ANAPC4: variants seen among roughly 807,000 people sequenced by gnomAD.
ANAPC4 encodes anaphase-promoting complex subunit 4.
Under a neutral mutation model 119.8 loss-of-function variants are expected in ANAPC4, and 63 were observed. The observed-to-expected ratio is 0.53, with a 90% CI of 0.43 to 0.65. The LOEUF (loss-of-function observed/expected upper bound fraction) is 0.65. Among genes scored for constraint, ANAPC4 ranks in the 30% least tolerant of loss-of-function variants. The pLI is 0.00. For missense variants in ANAPC4, 716 were observed against 945.1 expected (o/e 0.76, Z 3.18); for synonymous variants, 283 against 318.6 (o/e 0.89, Z 1.19).
intron 16 of ANAPC4, among the ~76,000 whole-genome samples, chr4:25,401,489 T>G (rs895490542): frequency 2.0e-5 from 3 of 152,212 alleles, no homozygotes; most frequent in Non-Finnish European, 4.4e-5. Context: ...CTGTGTTATA[T>G]TTTCAGTTTG....
intron 22 of ANAPC4, 123 bp from the exon 23 acceptor site, chr4:25,414,201 C>T: frequency 1.6e-6 from 1 of 620,026 alleles, no homozygotes; most frequent in Non-Finnish European, 2.7e-6. Flanking sequence ...TTCTTATGTA[C>T]AAGGTTTGGT....
chr4:25,418,029 G>A (rs1723977903), intron 28 of ANAPC4, 126 bp from the exon 29 acceptor site: 1 of 983,022 alleles, frequency 1.0e-6, no homozygotes, highest in African/African-American at 1.6e-5. Flanking sequence ...TATTGATTTT[G>A]TTGTAAATTG....
intron 22 of ANAPC4, 72 bp from the exon 23 acceptor site, chr4:25,414,252 C>CA (rs1378527811): frequency 8.3e-6 from 9 of 1,077,874 alleles, no homozygotes; most frequent in Non-Finnish European, 1.2e-5. Flanking sequence ...CAGTGATGGT[C>CA]AGTCACTTTC....
At chr4:25,413,497 G>T in intron 21 of ANAPC4, 148 bp from the exon 22 acceptor site, 47 of 537,724 alleles carry the variant, frequency 8.7e-5, no homozygotes, top group East Asian at 9.7e-5. Flanking sequence ...TTTTTAATGA[G>T]GTTGTGTGAA....
Position 25,390,219 on chromosome 4 carries a change from G to A in ANAPC4, c.599G>A (p.Gly200Glu), listed in dbSNP as rs1359796485. The A allele has an allele frequency of 2.5e-6, 4 of 1,603,980 alleles. No individual in the cohort carries two copies. The highest frequency in any genetic ancestry group is 3.4e-6 in the Non-Finnish European group (4 of 1,173,050). Residue 200 changes from glycine to glutamate, a missense_variant and splice_region_variant, in exon 8 of 29, where the codon GGG becomes GAG. Physicochemically the swap from Gly to Glu is moderately conservative, Grantham distance 98. Coordinates refer to ENST00000315368, the MANE Select transcript of ANAPC4 (RefSeq NM_013367.3). ...ATGTTTAAAATTGCTCGAGTCACAG[G>A]GGTAAGATTTCTTTAACATTTTCTC... is the stretch of plus-strand genomic sequence containing the variant. ...YGMFKIARVT[G>E]IAGTCLALCL...
rs766663969 is a variant in ANAPC4 at position 25,394,663 on chromosome 4, C to T, written c.942-8C>T. The stretch of plus-strand genomic sequence containing the variant: ...AAGTGACTAAAAATACTTTGTTTTT[C>T]ATTGTAGTGCTGAACTTCAGACTCT... On this transcript the variant is annotated splice_region_variant and splice_polypyrimidine_tract_variant and intron_variant, in intron 12 of 28. Coordinates refer to ENST00000315368, the MANE Select transcript of ANAPC4 (RefSeq NM_013367.3). 2 of 1,586,972 alleles carry T rather than the reference C, an allele frequency of 1.3e-6. No homozygotes were observed. Among genetic ancestry groups the T allele is most frequent in the Admixed American group, 3.8e-5 (2 of 52,052 alleles).
chr4:25,402,913 A>G (rs1723056373), intron 16 of ANAPC4, 58 bp from the exon 17 acceptor site: 2 of 941,942 alleles, frequency 2.1e-6, no homozygotes, highest in Admixed American at 4.8e-5. Context: ...GTTGAGTAGG[A>G]TGTATGAATC....
intron 16 of ANAPC4, among the ~76,000 whole-genome samples, chr4:25,399,488 T>A (rs1042461857): frequency 2.6e-5 from 4 of 152,146 alleles, no homozygotes; most frequent in African/African-American, 9.7e-5. Context: ...TTTAGGGTTA[T>A]CTGATTTTTT....
At position 25,377,451 on chromosome 4, in the gene ANAPC4, C is replaced by T. The variant is rs1386439016; in HGVS notation, c.24C>T (p.Phe8=). 2 of 1,613,986 alleles carry T rather than the reference C, an allele frequency of 1.2e-6. No individual in the cohort carries two copies. Among genetic ancestry groups the T allele is most frequent in the Non-Finnish European group, 1.7e-6 (2 of 1,180,008 alleles). Residue 8 remains phenylalanine (F), a synonymous_variant, in exon 2 of 29, where the codon TTC becomes TTT. Transcript: ENST00000315368. The stretch of plus-strand genomic sequence containing the variant: ...CCATGTTGCGTTTTCCGACCTGTTT[C>T]CCATCCTTCCGGGTGGTGGGAGAGA... MLRFPTC[F]PSFRVVGEKQ... is the part of the protein sequence containing the mutation.
intron 16 of ANAPC4, 58 bp from the exon 17 acceptor site, chr4:25,402,913 A>T: frequency 1.1e-6 from 1 of 942,060 alleles, no homozygotes; most frequent in Admixed American, 2.4e-5. Context: ...GTTGAGTAGG[A>T]TGTATGAATC....
At chr4:25,385,303 GTA>G (rs1178320579) in intron 4 of ANAPC4, among the ~76,000 whole-genome samples, 1 of 152,168 alleles carries the variant, frequency 6.6e-6, no homozygotes, top group East Asian at 1.9e-4. Context: ...ATCTCTATAT[GTA>G]TATATGTTTT....
chr4:25,410,999 G>GTGAATGAA, intron 21 of ANAPC4, among the ~76,000 whole-genome samples: 1 of 150,646 alleles, frequency 6.6e-6, no homozygotes, highest in East Asian at 2.0e-4. Context: ...TGCTGCTTCT[G>GTGAATGAA]TGAATGAATG....
chr4:25,397,575 C>G (rs901176777), intron 16 of ANAPC4, among the ~76,000 whole-genome samples: 3 of 152,136 alleles, frequency 2.0e-5, no homozygotes, highest in African/African-American at 4.8e-5. Context: ...TAAACTTTAT[C>G]TCCTTTTGTG....
chr4:25,390,091 T>G lies in ANAPC4; in HGVS notation c.516-45T>G, dbSNP rs1560433388. On this transcript the variant is annotated intron_variant, in intron 7 of 28. Transcript: ENST00000315368. Reference sequence around the variant, plus strand: ...ATCTCGCTTTAACAATGCAATCATCTGTGTTGTTGATTGGTTCTCAGCTTG... The same window carrying G: ...ATCTCGCTTTAACAATGCAATCATCGGTGTTGTTGATTGGTTCTCAGCTTG... 3 of 1,282,736 alleles carry G rather than the reference T, an allele frequency of 2.3e-6. No homozygotes were observed. In the East Asian group the frequency reaches 7.0e-5, roughly 30 times the overall value. 79.5% of individuals were successfully genotyped at this position (1,282,736 alleles called of 1,614,324 possible).
At chr4:25,399,206 A>C (rs1722818443) in intron 16 of ANAPC4, among the ~76,000 whole-genome samples, 1 of 152,214 alleles carries the variant, frequency 6.6e-6, no homozygotes, top group African/African-American at 2.4e-5. Context: ...ATTTTCTTAC[A>C]TAACCACAGT....
At chr4:25,397,974 C>T (rs1008906274) in intron 16 of ANAPC4, among the ~76,000 whole-genome samples, 1 of 151,886 alleles carries the variant, frequency 6.6e-6, no homozygotes, top group African/African-American at 2.4e-5. Context: ...CTATGTTGCC[C>T]AGGCTGGACT....
chr4:25,410,828 A>G (rs1328511161), intron 21 of ANAPC4, among the ~76,000 whole-genome samples: 6 of 152,220 alleles, frequency 3.9e-5, no homozygotes, highest in Non-Finnish European at 5.9e-5. Context: ...TACATGAAGC[A>G]TAAATGAATT....
intron 21 of ANAPC4, among the ~76,000 whole-genome samples, chr4:25,410,437 A>G (rs143177352): frequency 6.6e-6 from 1 of 152,298 alleles, no homozygotes; most frequent in African/African-American, 2.4e-5. Flanking sequence ...CTAAACATTT[A>G]TGGGGTGCTT....
At chr4:25,392,513 T>C in intron 10 of ANAPC4, 92 bp downstream of exon 10, 1 of 982,466 alleles carries the variant, frequency 1.0e-6, no homozygotes, top group Admixed American at 2.1e-5. Context: ...TTTGTAAAGC[T>C]TTCTGAAGTA....
Sources: gnomAD v4.1 joint callset for allele counts (sites outside exome capture counted in the v4.1 genomes callset) on GRCh38, gnomAD v4.1.1 for gene constraint, MANE v1.5 for transcripts, NCBI Gene and HGNC (gene_info 2026-07-23, HGNC 2026-07-21) for gene names.